Variants in SENP5 observed in about 807,000 individuals in gnomAD.
The protein encoded by SENP5 is SUMO specific peptidase 5, also known as sentrin-specific protease 5.
A neutral mutation model predicts 74.2 loss-of-function variants in SENP5; 21 were observed. The ratio of observed to expected loss-of-function variants is 0.28; its 90% CI spans 0.20 to 0.41. The LOEUF is 0.41. SENP5 is among the 10% of genes least tolerant of loss of function. The pLI, the probability that SENP5 is intolerant of heterozygous loss-of-function variation, is 1.00. For missense variants in SENP5, 717 were observed against 889.1 expected, an observed-to-expected ratio of 0.81 and a Z score of 2.46; for synonymous variants, 311 against 312.7, an observed-to-expected ratio of 0.99 and a Z score of 0.06.
chr3:196,900,111 G>C, intron 4 of SENP5, 49 bp downstream of exon 4: 1 of 1,578,290 alleles, frequency 6.3e-7, no homozygotes, highest in South Asian at 1.2e-5. Flanking sequence ...GAGGATGTTA[G>C]TCAATAAAAT....
Position 196,886,357 on chromosome 3 carries a change from A to C in SENP5, c.1176A>C (p.Arg392Ser). 2 of 1,613,360 alleles carry C rather than the reference A, an allele frequency of 1.2e-6. No individual in the cohort carries two copies. Among genetic ancestry groups the C allele is most frequent in the South Asian group, 2.2e-5 (2 of 90,868 alleles). Residue 392 changes from arginine to serine, a missense_variant, in exon 2 of 10, where the codon AGA becomes AGC. Arg to Ser is a moderately radical substitution (Grantham distance 110). This residue lies in a region of SENP5 where 567 missense variants were observed against 577.4 expected (regional missense o/e 0.98). Transcript: ENST00000323460. ...CCATGTTCATTTCAGAAACTGAAAG[A>C]GAAATTATGACTCTGGGTCAGGAAA... ...SNTMFISETE[R>S]EIMTLGQENQ...
chr3:196,871,679 A>T (rs1713222032), intron 1 of SENP5, among the ~76,000 whole-genome samples: 1 of 151,706 alleles, frequency 6.6e-6, no homozygotes, highest in Admixed American at 6.6e-5. Flanking sequence ...ACATAATGAG[A>T]CCCCATCTCT....
At chr3:196,917,740 C>T (rs1220966257) in intron 6 of SENP5, among the ~76,000 whole-genome samples, 1 of 152,148 alleles carries the variant, frequency 6.6e-6, no homozygotes, top group African/African-American at 2.4e-5. Flanking sequence ...AGGAGAAATA[C>T]TTTCCCAGAC....
chr3:196,898,008 C>CA (rs139806461), intron 2 of SENP5, among the ~76,000 whole-genome samples: 5,971 of 138,886 alleles, frequency 0.043, 143 homozygotes, highest in Admixed American at 0.048. Flanking sequence ...CCCGTCTCTA[C>CA]AAAAAAAAAA....
intron 1 of SENP5, among the ~76,000 whole-genome samples, chr3:196,873,287 G>C (rs1206474658): frequency 6.6e-6 from 1 of 151,458 alleles, no homozygotes; most frequent in Non-Finnish European, 1.5e-5. Context: ...TGGTCAGGCT[G>C]GTCTTGAACT....
chr3:196,914,584 AAAATAT>A lies in SENP5; in HGVS notation c.1885-8828_1885-8823del, dbSNP rs1472054669. On this transcript the variant is annotated intron_variant, in intron 6 of 9. Transcript: ENST00000323460. Reference sequence around the variant, plus strand: ...TGCTTTAAAAAAAAAAAAAAAAAAAAAAATATATATATATATATATATATATATGTC... The same window carrying A: ...TGCTTTAAAAAAAAAAAAAAAAAAAAATATATATATATATATATATATGTC... 8.9e-4 allele frequency: 53 copies of A among 59,404 alleles called. 2 individuals carry two copies. In the East Asian group the frequency reaches 9.0e-3, roughly 10 times the overall value. The allele number at this position is 59,404 out of a possible 1,614,324, so 3.7% of individuals were successfully genotyped here. A position where few individuals can be genotyped will look rare whatever the true frequency, so the allele number is the denominator to read the frequency against.
intron 2 of SENP5, among the ~76,000 whole-genome samples, chr3:196,888,557 C>T (rs1714072038): frequency 6.6e-6 from 1 of 150,810 alleles, no homozygotes. Flanking sequence ...GTGCTCCAGC[C>T]TGGGCGACAG....
In SENP5 at chr3:196,932,979, GC is replaced by G. The variant is rs1243458834; in HGVS notation, c.*2059del. 2 of 147,912 alleles carry G rather than the reference GC, an allele frequency of 1.4e-5. No homozygotes were observed. The highest frequency in any genetic ancestry group is 6.8e-5 in the Admixed American group (1 of 14,692). The allele number at this position is 147,912 out of a possible 1,614,324, so 9.2% of individuals were successfully genotyped here. ...TTCATAGGGCACCTTGAGGTGTGCTGCCCAGTGTGGCTTAGACTAAATGTTG... is the reference window on the plus strand; with the variant it reads ...TTCATAGGGCACCTTGAGGTGTGCTGCCAGTGTGGCTTAGACTAAATGTTG... On this transcript the variant is annotated 3_prime_UTR_variant, in exon 10 of 10. Transcript: ENST00000323460.
In SENP5 at chr3:196,931,177, G is replaced by A. The variant is rs1009770860; in HGVS notation, c.*254G>A. The A allele has an allele frequency of 3.5e-5, 15 of 429,304 alleles. No individual in the cohort carries two copies. Among genetic ancestry groups the A allele is most frequent in the Middle Eastern group, 1.3e-3 (2 of 1,582 alleles). 26.6% of individuals were successfully genotyped at this position (429,304 alleles called of 1,614,324 possible). A position where few individuals can be genotyped will look rare whatever the true frequency, so the allele number is the denominator to read the frequency against. On this transcript the variant is annotated 3_prime_UTR_variant, in exon 10 of 10. Coordinates refer to ENST00000323460, the MANE Select transcript of SENP5 (RefSeq NM_152699.5). ...CATATTTAATATTTATTATTCAAAC[G>A]CATGCATATAGACAGAGCATGCAGT... is the stretch of plus-strand genomic sequence containing the variant.
rs893769136 is a variant in SENP5, at chr3:196,932,017, A to G, written c.*1094A>G. On this transcript the variant is annotated 3_prime_UTR_variant, in exon 10 of 10. Transcript: ENST00000323460. ...CTGTCCCATTAGTGACCTCAGTAAC[A>G]TGCAGGGTACGTCTGGCTTCTGCAT... 1 of 410,632 alleles carries G rather than the reference A, an allele frequency of 2.4e-6. No individual in the cohort carries two copies. Among genetic ancestry groups the G allele is most frequent in the Non-Finnish European group, 4.8e-6 (1 of 207,262 alleles). 25.4% of individuals were successfully genotyped at this position (410,632 alleles called of 1,614,324 possible).
intron 7 of SENP5, among the ~76,000 whole-genome samples, chr3:196,927,063 G>GCTT (rs1157002072): frequency 6.6e-6 from 1 of 152,142 alleles, no homozygotes; most frequent in Non-Finnish European, 1.5e-5. Flanking sequence ...ACTCCAGCAG[G>GCTT]CTTCATCTTG....
chr3:196,883,386 C>T (rs201505188), intron 1 of SENP5, among the ~76,000 whole-genome samples: 4 of 152,086 alleles, frequency 2.6e-5, no homozygotes, highest in African/African-American at 4.8e-5. Context: ...GAGCTTCTTG[C>T]CAGTCTTATG....
intron 6 of SENP5, among the ~76,000 whole-genome samples, chr3:196,906,104 CAGCTACTTGGGAGGCTGAGA>C (rs1223906077): frequency 1.3e-5 from 2 of 152,056 alleles, no homozygotes; most frequent in Admixed American, 1.3e-4. Context: ...CCTGTAGTCC[CAGCTACTTGGGAGGCTGAGA>C]CAGGAGAATC....
intron 1 of SENP5, among the ~76,000 whole-genome samples, chr3:196,873,097 G>A (rs1487017000): frequency 2.1e-5 from 3 of 142,348 alleles, no homozygotes; most frequent in South Asian, 2.2e-4. Flanking sequence ...TTTTGGAGAC[G>A]GAGTCTCGCT....
At chr3:196,920,163 C>T (rs1272593627) in intron 6 of SENP5, among the ~76,000 whole-genome samples, 1 of 152,126 alleles carries the variant, frequency 6.6e-6, no homozygotes, top group Non-Finnish European at 1.5e-5. Flanking sequence ...GGAGAATGGA[C>T]ATCTAATAAT....
chr3:196,900,809 C>G (rs903846286), intron 5 of SENP5, among the ~76,000 whole-genome samples: 1 of 151,850 alleles, frequency 6.6e-6, no homozygotes, highest in African/African-American at 2.4e-5. Context: ...TGGTCTCGAA[C>G]TCCTGACCTC....
At chr3:196,891,508 G>A (rs541464236) in intron 2 of SENP5, among the ~76,000 whole-genome samples, 1 of 152,192 alleles carries the variant, frequency 6.6e-6, no homozygotes, top group Non-Finnish European at 1.5e-5. Context: ...GCTCACATCT[G>A]TAATCCCAGC....
intron 6 of SENP5, among the ~76,000 whole-genome samples, chr3:196,911,096 A>G (rs908860532): frequency 1.3e-5 from 2 of 152,230 alleles, no homozygotes; most frequent in South Asian, 4.1e-4. Context: ...TTAATTGTAA[A>G]ACACAAAATC....
intron 6 of SENP5, among the ~76,000 whole-genome samples, chr3:196,919,894 A>G (rs137987093): frequency 6.6e-5 from 10 of 151,792 alleles, no homozygotes; most frequent in Admixed American, 3.3e-4. Context: ...AACTGATCAT[A>G]TATGTGTAGG....
Sources: gnomAD v4.1 joint callset for allele counts (sites outside exome capture counted in the v4.1 genomes callset) on GRCh38, gnomAD v4.1.1 for gene constraint, gnomAD v4.1.1 regional missense constraint, MANE v1.5 for transcripts, NCBI Gene and HGNC (gene_info 2026-07-23, HGNC 2026-07-21) for gene names.